The following ROR2 variants were observed in gnomAD, a reference collection of about 807,000 sequenced individuals.
The protein encoded by ROR2 is tyrosine-protein kinase transmembrane receptor ROR2.
ROR2 carries 33 observed loss-of-function variants against 74.9 expected under a neutral mutation model. That is an observed-to-expected ratio of 0.44 (90% confidence interval 0.33 to 0.59). The LOEUF (loss-of-function observed/expected upper bound fraction) is 0.59. Ranked by LOEUF, ROR2 falls within the 20% of genes least tolerant of loss-of-function variation. The pLI is 0.02. For missense variants in ROR2, 1,216 were observed against 1,313.8 expected, an observed-to-expected ratio of 0.93 and a Z score of 1.15; for synonymous variants, 586 against 558.7, an observed-to-expected ratio of 1.05 and a Z score of -0.69.
intron 1 of ROR2, among the ~76,000 whole-genome samples, chr9:91,926,524 C>T (rs56309039): frequency 0.18 from 24,553 of 139,604 alleles, 2,469 homozygotes; most frequent in Admixed American, 0.25. Context: ...CCAGCCTGGG[C>T]GACAGAATGA....
At chr9:91,808,182 G>A (rs1827628382) in intron 1 of ROR2, among the ~76,000 whole-genome samples, 1 of 152,138 alleles carries the variant, frequency 6.6e-6, no homozygotes, top group Non-Finnish European at 1.5e-5. Context: ...GTGAGGGGGT[G>A]AAAATCTATT....
intron 1 of ROR2, among the ~76,000 whole-genome samples, chr9:91,793,744 A>G (rs918293568): frequency 3.3e-5 from 5 of 149,500 alleles, no homozygotes; most frequent in Non-Finnish European, 4.4e-5. Context: ...CCCGGGCGAC[A>G]GTGTGAGACT....
intron 1 of ROR2, among the ~76,000 whole-genome samples, chr9:91,854,952 T>C (rs1829229661): frequency 6.6e-6 from 1 of 152,216 alleles, no homozygotes; most frequent in South Asian, 2.1e-4. Context: ...CTAGAAGATA[T>C]GCCTCCAATA....
intron 5 of ROR2, among the ~76,000 whole-genome samples, chr9:91,736,137 G>A (rs1825018109): frequency 6.6e-6 from 1 of 152,158 alleles, no homozygotes. Flanking sequence ...TGCAGTGAGA[G>A]GTAGCCATAT....
chr9:91,850,075 G>C lies in ROR2; in HGVS notation c.98-74257C>G, dbSNP rs117010790. 9.1e-4 allele frequency among the ~76,000 whole-genome samples: 139 copies of C among 152,202 alleles called. 1 individual carries two copies. The East Asian group carries it at 0.024, about 27-fold the overall frequency. On this transcript the variant is annotated intron_variant, in intron 1 of 8. Coordinates refer to ENST00000375708, the MANE Select transcript of ROR2 (RefSeq NM_004560.4). ...CTGTGCCCTGAGCTCAGTATGTCTGGAAGGCAAATCCCAAGACACAGAATT... is the reference window on the plus strand; with the variant it reads ...CTGTGCCCTGAGCTCAGTATGTCTGCAAGGCAAATCCCAAGACACAGAATT...
Position 91,818,230 on chromosome 9 carries a change from T to C in ROR2, c.98-42412A>G, listed in dbSNP as rs534793487. Among the ~76,000 whole-genome samples, 11 of 152,334 alleles carry C rather than the reference T, an allele frequency of 7.2e-5. No individual in the cohort carries two copies. The South Asian group carries it at 2.3e-3, about 32-fold the overall frequency. ...CAAATCCTCTAATTACGCAAATCTG[T>C]GTCACAGAACTGCAAATTAGTAACT... is the stretch of plus-strand genomic sequence containing the variant. On this transcript the variant is annotated intron_variant, in intron 1 of 8. Coordinates refer to ENST00000375708, the MANE Select transcript of ROR2 (RefSeq NM_004560.4).
intron 1 of ROR2, among the ~76,000 whole-genome samples, chr9:91,809,737 C>T (rs1215836241): frequency 3.3e-5 from 5 of 152,228 alleles, no homozygotes; most frequent in African/African-American, 4.8e-5. Flanking sequence ...GCGCCGTGGG[C>T]GTCCTCACCA....
intron 4 of ROR2, among the ~76,000 whole-genome samples, chr9:91,745,636 G>T (rs912336536): frequency 4.6e-5 from 7 of 151,940 alleles, no homozygotes; most frequent in Admixed American, 2.0e-4. Flanking sequence ...ATGTTGGCCA[G>T]ACTGGTATTG....
intron 1 of ROR2, among the ~76,000 whole-genome samples, chr9:91,790,485 G>C (rs1010367824): frequency 6.6e-6 from 1 of 150,774 alleles, no homozygotes; most frequent in South Asian, 2.1e-4. Flanking sequence ...ACTCCAGCCT[G>C]GTGACAGAGC....
chr9:91,798,595 A>G (rs1233104507), intron 1 of ROR2, among the ~76,000 whole-genome samples: 2 of 130,282 alleles, frequency 1.5e-5, no homozygotes, highest in Admixed American at 8.0e-5. Context: ...TGGAGCTGAC[A>G]CCCTGGGCTC....
chr9:91,736,111 T>C (rs1487746547), intron 5 of ROR2, among the ~76,000 whole-genome samples: 1 of 152,252 alleles, frequency 6.6e-6, no homozygotes, highest in Non-Finnish European at 1.5e-5. Context: ...CCTACTTTAA[T>C]GGCAAAGAAA....
intron 2 of ROR2, among the ~76,000 whole-genome samples, chr9:91,761,956 AT>A (rs2118871900): frequency 1.3e-5 from 2 of 152,280 alleles, no homozygotes; most frequent in South Asian, 4.1e-4. Context: ...AGGGAGATGG[AT>A]TTGAAGCTGA....
At chr9:91,913,921 C>T (rs1831057753) in intron 1 of ROR2, among the ~76,000 whole-genome samples, 1 of 152,102 alleles carries the variant, frequency 6.6e-6, no homozygotes, top group African/African-American at 2.4e-5. Flanking sequence ...TACTTAATGC[C>T]ACCCAGTGTA....
intron 1 of ROR2, among the ~76,000 whole-genome samples, chr9:91,859,522 T>C (rs1387848053): frequency 6.6e-6 from 1 of 151,618 alleles, no homozygotes; most frequent in African/African-American, 2.4e-5. Flanking sequence ...CAGTCTCTTT[T>C]GGAAAAAAAC....
At chr9:91,915,342 GA>G (rs559436743) in intron 1 of ROR2, among the ~76,000 whole-genome samples, 68 of 152,306 alleles carry the variant, frequency 4.5e-4, no homozygotes, top group African/African-American at 1.6e-3. Context: ...TCCCAATGGG[GA>G]AAGTGTGTCC....
At chr9:91,763,959 C>T (rs1279951294) in intron 2 of ROR2, among the ~76,000 whole-genome samples, 1 of 152,152 alleles carries the variant, frequency 6.6e-6, no homozygotes, top group Admixed American at 6.5e-5. Context: ...TGTGCTTATT[C>T]TACATTCATG....
intron 1 of ROR2, among the ~76,000 whole-genome samples, chr9:91,782,243 CAG>C (rs1445293528): frequency 2.6e-5 from 4 of 152,212 alleles, no homozygotes; most frequent in African/African-American, 2.4e-5. Flanking sequence ...AAGGAGCAAA[CAG>C]AAATGCTAAG....
intron 1 of ROR2, among the ~76,000 whole-genome samples, chr9:91,891,097 T>G (rs1830407734): frequency 6.6e-6 from 1 of 152,230 alleles, no homozygotes; most frequent in African/African-American, 2.4e-5. Flanking sequence ...AGTTTTCTAC[T>G]GTTACATAAC....
In ROR2 at chr9:91,775,420, G is replaced by A. The variant is rs562111705; in HGVS notation, c.175+321C>T. 3.3e-5 allele frequency among the ~76,000 whole-genome samples: 5 copies of A among 152,050 alleles called. No individual in the cohort carries two copies. The South Asian group carries it at 6.3e-4, about 19-fold the overall frequency. The stretch of plus-strand genomic sequence containing the variant: ...GGGCCGTCCATCTGCCCACTGAGAC[G>A]TACACACACCTCTGGAGTCACATGC... On this transcript the variant is annotated intron_variant, in intron 2 of 8. Transcript: ENST00000375708.
Sources: gnomAD v4.1 joint callset for allele counts (sites outside exome capture counted in the v4.1 genomes callset) on GRCh38, gnomAD v4.1.1 for gene constraint, MANE v1.5 for transcripts, NCBI Gene and HGNC (gene_info 2026-07-23, HGNC 2026-07-21) for gene names.